TMEM117: variants seen among roughly 807,000 people sequenced by gnomAD.
The protein encoded by TMEM117 is transmembrane protein 117.
Under a neutral mutation model 52.4 loss-of-function variants are expected in TMEM117, and 27 were observed. The observed-to-expected ratio is 0.51, with a 90% CI of 0.38 to 0.71. The LOEUF is 0.71. TMEM117 is among the 30% of genes least tolerant of loss of function. The pLI is 0.00. For synonymous variants in TMEM117, 215 were observed against 206.3 expected, an observed-to-expected ratio of 1.04 and a Z score of -0.36; for missense variants, 556 against 630.5, an observed-to-expected ratio of 0.88 and a Z score of 1.26.
intron 6 of TMEM117, among the ~76,000 whole-genome samples, chr12:44,303,046 A>ATT (rs1024943154): frequency 6.8e-6 from 1 of 146,354 alleles, no homozygotes. Flanking sequence ...AAGGTATTGT[A>ATT]TTTTTTTTTT....
chr12:43,885,466 C>CT (rs141690148), intron 2 of TMEM117, among the ~76,000 whole-genome samples: 99,506 of 143,494 alleles, frequency 0.69, 38,002 homozygotes, highest in East Asian at 0.86. Context: ...TGAGAAAGAA[C>CT]TTTTTTTAAA....
chr12:43,889,766 A>G (rs1944068809), intron 2 of TMEM117, among the ~76,000 whole-genome samples: 1 of 152,190 alleles, frequency 6.6e-6, no homozygotes, highest in African/African-American at 2.4e-5. Context: ...TTTTGTTTAT[A>G]TTTAATTCTT....
intron 3 of TMEM117, among the ~76,000 whole-genome samples, chr12:43,971,708 C>T (rs1426966772): frequency 1.3e-5 from 2 of 152,086 alleles, no homozygotes; most frequent in Non-Finnish European, 2.9e-5. Flanking sequence ...ACACCATGTC[C>T]CTCCCACCTC....
At chr12:44,382,520 T>A (rs560708804) in intron 7 of TMEM117, among the ~76,000 whole-genome samples, 9 of 152,200 alleles carry the variant, frequency 5.9e-5, no homozygotes, top group Non-Finnish European at 1.3e-4. Flanking sequence ...TTAATATGTG[T>A]CAAAAACTAG....
At chr12:44,288,022 A>G (rs1181759825) in intron 5 of TMEM117, among the ~76,000 whole-genome samples, 3 of 152,204 alleles carry the variant, frequency 2.0e-5, no homozygotes, top group African/African-American at 7.2e-5. Context: ...GCAGTTTTAC[A>G]GAAAAGTGAC....
intron 3 of TMEM117, among the ~76,000 whole-genome samples, chr12:44,074,122 A>G (rs1175941899): frequency 6.6e-6 from 1 of 152,212 alleles, no homozygotes; most frequent in South Asian, 2.1e-4. Flanking sequence ...CAAAGCCACA[A>G]ATAAAAGTAA....
chr12:44,029,905 G>A (rs1946606551), intron 3 of TMEM117, among the ~76,000 whole-genome samples: 1 of 152,202 alleles, frequency 6.6e-6, no homozygotes, highest in Non-Finnish European at 1.5e-5. Flanking sequence ...GTCCTTGGGA[G>A]CTTGACCTTG....
intron 6 of TMEM117, among the ~76,000 whole-genome samples, chr12:44,325,834 T>C (rs1366937453): frequency 1.3e-5 from 2 of 152,166 alleles, no homozygotes; most frequent in African/African-American, 4.8e-5. Flanking sequence ...GAAAATTTTA[T>C]ATAAAACATA....
intron 6 of TMEM117, among the ~76,000 whole-genome samples, chr12:44,333,875 C>T (rs1951305229): frequency 6.6e-6 from 1 of 151,904 alleles, no homozygotes; most frequent in Non-Finnish European, 1.5e-5. Context: ...ACCTATCTGA[C>T]TGATCAACCC....
chr12:43,938,545 G>A (rs181241786), intron 2 of TMEM117, among the ~76,000 whole-genome samples: 3 of 151,940 alleles, frequency 2.0e-5, no homozygotes, highest in African/African-American at 4.8e-5. Flanking sequence ...AGGATAAGAC[G>A]CCACACTGAG....
rs553038675 is a variant in TMEM117, at chr12:44,280,297, T to C, written c.609-19283T>C. On this transcript the variant is annotated intron_variant, in intron 5 of 7. Coordinates refer to ENST00000266534, the MANE Select transcript of TMEM117 (RefSeq NM_032256.3). The stretch of plus-strand genomic sequence containing the variant: ...ATTCATATTTCATTTCTATTTCCTT[T>C]CCTATTTCTCAGTTGAGTTAATTGT... Among the ~76,000 whole-genome samples the C allele has an allele frequency of 1.5e-4, 23 of 152,292 alleles. No homozygotes were observed. The South Asian group carries it at 4.6e-3, about 30-fold the overall frequency.
chr12:44,149,882 T>C (rs756083252), intron 4 of TMEM117, among the ~76,000 whole-genome samples: 5 of 152,184 alleles, frequency 3.3e-5, no homozygotes, highest in Non-Finnish European at 7.3e-5. Context: ...TAATTGAACT[T>C]CATAATAGAA....
At chr12:43,993,870 T>C (rs955373703) in intron 3 of TMEM117, among the ~76,000 whole-genome samples, 1 of 152,098 alleles carries the variant, frequency 6.6e-6, no homozygotes, top group African/African-American at 2.4e-5. Context: ...AATTTTTGTA[T>C]TTTTTGTAGA....
At chr12:44,028,142 G>A (rs984774965) in intron 3 of TMEM117, among the ~76,000 whole-genome samples, 1 of 152,138 alleles carries the variant, frequency 6.6e-6, no homozygotes, top group Non-Finnish European at 1.5e-5. Context: ...GCAGTGAGCC[G>A]AGATCGCACC....
chr12:43,984,770 A>G (rs1331023135), intron 3 of TMEM117, among the ~76,000 whole-genome samples: 1 of 152,092 alleles, frequency 6.6e-6, no homozygotes, highest in Non-Finnish European at 1.5e-5. Flanking sequence ...TTATTTTGTA[A>G]TCTGTTTTTT....
intron 3 of TMEM117, among the ~76,000 whole-genome samples, chr12:44,016,085 C>G (rs920753614): frequency 6.6e-6 from 1 of 152,120 alleles, no homozygotes; most frequent in African/African-American, 2.4e-5. Context: ...AGCACTACCC[C>G]CTCCTCCCAA....
chr12:43,959,301 A>G (rs1945363311), intron 3 of TMEM117, among the ~76,000 whole-genome samples: 1 of 152,204 alleles, frequency 6.6e-6, no homozygotes, highest in Non-Finnish European at 1.5e-5. Flanking sequence ...TTTTGAAAGA[A>G]TCACTAATAC....
At chr12:43,962,677 T>C (rs1228767886) in intron 3 of TMEM117, among the ~76,000 whole-genome samples, 24 of 152,102 alleles carry the variant, frequency 1.6e-4, no homozygotes, top group Admixed American at 1.6e-3. Flanking sequence ...ACCCAGCACT[T>C]TGGGAGGCCG....
chr12:43,817,275 G>A, the TMEM117 span, among the ~76,000 whole-genome samples: 1 of 152,170 alleles, frequency 6.6e-6, no homozygotes, highest in Non-Finnish European at 1.5e-5. Context: ...GAGCTAGTTA[G>A]GGAAATATAT....
Sources: gnomAD v4.1 joint callset for allele counts (sites outside exome capture counted in the v4.1 genomes callset) on GRCh38, gnomAD v4.1.1 for gene constraint, MANE v1.5 for transcripts, NCBI Gene and HGNC (gene_info 2026-07-23, HGNC 2026-07-21) for gene names.